Variants in KIAA1549 observed in about 807,000 individuals in gnomAD.
KIAA1549 encodes UPF0606 protein KIAA1549.
A neutral mutation model predicts 156.4 loss-of-function variants in KIAA1549; 70 were observed. The ratio of observed to expected loss-of-function variants is 0.45; its 90% confidence interval spans 0.37 to 0.55. The LOEUF (loss-of-function observed/expected upper bound fraction) is 0.55, where lower values mean the gene tolerates loss of function less well. Ranked by LOEUF, KIAA1549 falls within the 20% of genes least tolerant of loss-of-function variation. The pLI is 0.00. For synonymous variants in KIAA1549, 1,103 were observed against 1,066.4 expected (o/e 1.03, Z -0.67); for missense variants, 2,428 against 2,540.9 (o/e 0.96, Z 0.96).
At position 138,840,197 on chromosome 7, in the gene KIAA1549, C is replaced by T; in HGVS notation, c.5534G>A (p.Gly1845Asp). The change falls in exon 19 of 20, where the codon GGC becomes GAC. Residue 1845 changes from glycine (G) to aspartate (D), a missense_variant. By Grantham distance (94) the Gly-to-Asp change is moderately conservative. Coordinates refer to ENST00000422774, the MANE Select transcript of KIAA1549 (RefSeq NM_001164665.2). Reference protein sequence around the residue: ...AQPVEIPPSRGSQYGGPGWPS... With the variant: ...AQPVEIPPSRDSQYGGPGWPS... Reference sequence around the variant, plus strand: ...CCAGCCTGGCCCCCCATACTGGCTGCCTCTGCTTGGCGGGATTTCCACTGG... The same window carrying T: ...CCAGCCTGGCCCCCCATACTGGCTGTCTCTGCTTGGCGGGATTTCCACTGG... 6.4e-7 allele frequency: 1 copy of T among 1,569,864 alleles called. No individual in the cohort carries two copies. The highest frequency in any genetic ancestry group is 8.6e-7 in the Non-Finnish European group (1 of 1,157,490).
intron 1 of KIAA1549, among the ~76,000 whole-genome samples, chr7:138,931,636 C>T (rs1202947915): frequency 6.6e-6 from 1 of 151,504 alleles, no homozygotes; most frequent in Admixed American, 6.6e-5. Context: ...CCTGTAATCC[C>T]ATCTACTCGG....
intron 15 of KIAA1549, among the ~76,000 whole-genome samples, chr7:138,867,594 A>G (rs2130377899): frequency 6.6e-6 from 1 of 152,148 alleles, no homozygotes; most frequent in South Asian, 2.1e-4. Flanking sequence ...AAAACCAAAT[A>G]ACCCTCTGAC....
Position 138,908,345 on chromosome 7 carries a change from G to A in KIAA1549, c.3276+646C>T, listed in dbSNP as rs1812068284. Reference sequence around the variant, plus strand: ...TCGCAGGAAAGCCTACAATGAAAATGGAGCAAAGAACAATGAACAAAAAGC... The same window carrying A: ...TCGCAGGAAAGCCTACAATGAAAATAGAGCAAAGAACAATGAACAAAAAGC... On this transcript the variant is annotated intron_variant, in intron 5 of 19. Coordinates refer to ENST00000422774, the MANE Select transcript of KIAA1549 (RefSeq NM_001164665.2). 2.0e-5 allele frequency among the ~76,000 whole-genome samples: 3 copies of A among 152,330 alleles called. No individual in the cohort carries two copies. The South Asian group carries it at 6.2e-4, about 32-fold the overall frequency.
In KIAA1549 at chr7:138,833,757, C is replaced by T. The variant is rs1388180414; in HGVS notation, c.*4149G>A. On this transcript the variant is annotated 3_prime_UTR_variant, in exon 20 of 20. Transcript: ENST00000422774. Reference sequence around the variant, plus strand: ...ACGGCTGCTTGAGATCTGCTCTAAACAATGACCTCAGTGTCATTCTCATCA... The same window carrying T: ...ACGGCTGCTTGAGATCTGCTCTAAATAATGACCTCAGTGTCATTCTCATCA... The T allele has an allele frequency of 4.3e-6, 1 of 232,966 alleles. No individual in the cohort carries two copies. Among genetic ancestry groups the T allele is most frequent in the Non-Finnish European group, 8.5e-6 (1 of 117,954 alleles). 14.4% of individuals were successfully genotyped at this position (232,966 alleles called of 1,614,324 possible).
chr7:138,976,727 A>T, intron 1 of KIAA1549, among the ~76,000 whole-genome samples: 1 of 152,194 alleles, frequency 6.6e-6, no homozygotes, highest in East Asian at 1.9e-4. Context: ...ATAAGGAGGG[A>T]CTACTATATC....
chr7:138,861,631 C>T (rs1487703868), intron 15 of KIAA1549, among the ~76,000 whole-genome samples, 175 bp from the exon 16 acceptor site: 2 of 148,186 alleles, frequency 1.3e-5, no homozygotes, highest in African/African-American at 5.0e-5. Context: ...GGTGGAGAAG[C>T]ACTTGAGGCC....
At chr7:138,940,431 T>G (rs985309940) in intron 1 of KIAA1549, among the ~76,000 whole-genome samples, 1 of 149,776 alleles carries the variant, frequency 6.7e-6, no homozygotes, top group African/African-American at 2.4e-5. Context: ...ACATTTGGGT[T>G]GGTTCCAAGT....
rs758516628 is a variant in KIAA1549, at chr7:138,916,998, T to C, written c.2628A>G (p.Pro876=). 8.7e-6 allele frequency: 14 copies of C among 1,600,234 alleles called. No homozygotes were observed. The highest frequency in any genetic ancestry group is 1.2e-5 in the Non-Finnish European group (14 of 1,173,140). The change falls in exon 2 of 20, where the codon CCA becomes CCG. Residue 876 remains proline (P), a synonymous_variant. Coordinates refer to ENST00000422774, the MANE Select transcript of KIAA1549 (RefSeq NM_001164665.2). ...VGPSLTPTEV[P]LNTSTEVSTT... is the part of the protein sequence containing the mutation. The stretch of plus-strand genomic sequence containing the variant: ...TGCTCACTTCCGTGGAGGTGTTCAG[T>C]GGCACCTCTGTGGGTGTGAGTGATG...
chr7:138,957,459 C>CCTT (rs57229286), intron 1 of KIAA1549, among the ~76,000 whole-genome samples: 24,980 of 125,048 alleles, frequency 0.2, 3,554 homozygotes, highest in African/African-American at 0.4. Context: ...CCCTCCTTCT[C>CCTT]CTTCTTCTTC....
At chr7:138,869,840 A>ATTTATT (rs1810876176) in intron 13 of KIAA1549, 79 bp from the exon 14 acceptor site, 2 of 941,904 alleles carry the variant, frequency 2.1e-6, no homozygotes, top group Non-Finnish European at 3.1e-6. Flanking sequence ...CAAAGTCTTT[A>ATTTATT]TTTATTTTTA....
intron 1 of KIAA1549, among the ~76,000 whole-genome samples, chr7:138,955,625 C>T (rs1190518053): frequency 6.6e-6 from 1 of 152,042 alleles, no homozygotes; most frequent in Non-Finnish European, 1.5e-5. Flanking sequence ...CTGCAAGATG[C>T]AAATTGTATA....
chr7:138,970,053 C>A (rs1814172545), intron 1 of KIAA1549, among the ~76,000 whole-genome samples: 2 of 152,174 alleles, frequency 1.3e-5, no homozygotes. Context: ...CTAGCAAATA[C>A]TAGGTCTTAC....
chr7:138,912,527 C>G, intron 2 of KIAA1549, 67 bp from the exon 3 acceptor site: 1 of 1,337,058 alleles, frequency 7.5e-7, no homozygotes, highest in East Asian at 2.3e-5. Context: ...CACCAGACTT[C>G]TGGACCCCAG....
At chr7:138,936,958 A>G (rs190906819) in intron 1 of KIAA1549, among the ~76,000 whole-genome samples, 1 of 152,160 alleles carries the variant, frequency 6.6e-6, no homozygotes, top group African/African-American at 2.4e-5. Context: ...AGAGCTGATC[A>G]ATCAATTCTG....
intron 12 of KIAA1549, 46 bp from the exon 13 acceptor site, chr7:138,871,408 G>T: frequency 6.9e-7 from 1 of 1,456,628 alleles, no homozygotes. Context: ...GTCATCTAAA[G>T]AAACAGCAAC....
intron 10 of KIAA1549, 50 bp downstream of exon 10, chr7:138,894,292 G>A (rs1218936158): frequency 5.1e-6 from 8 of 1,571,236 alleles, no homozygotes; most frequent in Admixed American, 1.7e-5. Context: ...TCCTATCCCT[G>A]CCCCACAAAA....
chr7:138,969,027 C>G (rs79247158), intron 1 of KIAA1549, among the ~76,000 whole-genome samples: 2 of 151,832 alleles, frequency 1.3e-5, no homozygotes, highest in Admixed American at 6.6e-5. Flanking sequence ...ATTTCATCAC[C>G]CAGGTATTAA....
At chr7:138,899,904 A>G (rs1811793854) in intron 8 of KIAA1549, among the ~76,000 whole-genome samples, 1 of 152,168 alleles carries the variant, frequency 6.6e-6, no homozygotes, top group African/African-American at 2.4e-5. Flanking sequence ...AATCTAGCAC[A>G]CTTGACATAT....
chr7:138,924,857 G>A (rs1489759128), intron 1 of KIAA1549, among the ~76,000 whole-genome samples: 1 of 152,132 alleles, frequency 6.6e-6, no homozygotes, highest in Non-Finnish European at 1.5e-5. Context: ...GTTCACAAAA[G>A]AGAGAAAGGT....
Sources: allele counts gnomAD v4.1 joint callset (sites outside exome capture counted in the v4.1 genomes callset), GRCh38; gene constraint gnomAD v4.1.1; transcripts MANE v1.5; gene names NCBI Gene and HGNC (gene_info 2026-07-23, HGNC 2026-07-21).